The following MTA3 variants were observed in gnomAD, a reference collection of about 807,000 sequenced individuals.
The protein encoded by MTA3 is metastasis-associated protein MTA3.
Under a neutral mutation model 83.5 loss-of-function variants are expected in MTA3, and 34 were observed. That is an observed-to-expected ratio of 0.41 (90% CI 0.31 to 0.54). The LOEUF (loss-of-function observed/expected upper bound fraction) is 0.54, where lower values mean the gene tolerates loss of function less well. Ranked by LOEUF, MTA3 falls within the 20% of genes least tolerant of loss-of-function variation. The pLI, the probability that MTA3 is intolerant of heterozygous loss-of-function variation, is 0.33. For synonymous variants in MTA3, 303 were observed against 252.7 expected (o/e 1.20, Z -1.89); for missense variants, 761 against 726.4 (o/e 1.05, Z -0.55).
chr2:42,657,802 C>T (rs1689302634), intron 7 of MTA3, among the ~76,000 whole-genome samples: 1 of 149,072 alleles, frequency 6.7e-6, no homozygotes, highest in Non-Finnish European at 1.5e-5. Flanking sequence ...CACAGTGGCT[C>T]ACGCCGCCTG....
At position 42,644,217 on chromosome 2, in the gene MTA3, G is replaced by C; in HGVS notation, c.472G>C (p.Ala158Pro). The change falls in exon 6 of 17, where the codon GCA becomes CCA. Residue 158 changes from alanine (A) to proline (P), a missense_variant. Ala to Pro is a conservative substitution (Grantham distance 27, BLOSUM62 -1). Coordinates refer to ENST00000405094, the MANE Select transcript of MTA3 (RefSeq NM_001330442.2). Reference protein sequence around the residue: ...GEIRVGPRYQADIPEMLLEGE... With the variant: ...GEIRVGPRYQPDIPEMLLEGE... ...AATCAGAGTGGGACCTAGATATCAA[G>C]CAGACATTCCAGAAATGCTGTTAGA... The C allele has an allele frequency of 6.2e-7, 1 of 1,611,682 alleles. No homozygotes were observed. Among genetic ancestry groups the C allele is most frequent in the Non-Finnish European group, 8.5e-7 (1 of 1,178,972 alleles).
intron 16 of MTA3, among the ~76,000 whole-genome samples, chr2:42,739,492 T>C: frequency 6.6e-6 from 1 of 151,212 alleles, no homozygotes; most frequent in Admixed American, 6.6e-5. Context: ...CTATGAGTCA[T>C]AATCTTTTTG....
chr2:42,547,611 G>A (rs565776545), intron 2 of MTA3, among the ~76,000 whole-genome samples: 5 of 152,320 alleles, frequency 3.3e-5, no homozygotes, highest in East Asian at 1.9e-4. Flanking sequence ...GATTACAGGC[G>A]TCAACCCCCG....
At chr2:42,593,630 T>C (rs1053959018) in intron 3 of MTA3, among the ~76,000 whole-genome samples, 1 of 152,164 alleles carries the variant, frequency 6.6e-6, no homozygotes, top group African/African-American at 2.4e-5. Flanking sequence ...TTAAATGTTA[T>C]GTGGTGTGTG....
At chr2:42,683,774 A>G (rs942601774) in intron 9 of MTA3, among the ~76,000 whole-genome samples, 2 of 152,112 alleles carry the variant, frequency 1.3e-5, no homozygotes, top group Admixed American at 6.5e-5. Flanking sequence ...GGCAGACCTC[A>G]GGGGGCAGTG....
intron 4 of MTA3, among the ~76,000 whole-genome samples, chr2:42,621,777 C>T (rs1031966901): frequency 7.4e-5 from 11 of 149,574 alleles, no homozygotes; most frequent in Admixed American, 1.3e-4. Context: ...ACTTCTCAGA[C>T]GGGGCGGCTG....
At chr2:42,603,305 TG>T (rs1682815287) in intron 3 of MTA3, among the ~76,000 whole-genome samples, 1 of 152,254 alleles carries the variant, frequency 6.6e-6, no homozygotes, top group African/African-American at 2.4e-5. Context: ...AGCTGCTTGC[TG>T]GGGTGTTAAT....
At chr2:42,511,310 A>G (rs1349626019) in intron 2 of MTA3, among the ~76,000 whole-genome samples, 1 of 151,980 alleles carries the variant, frequency 6.6e-6, no homozygotes. Context: ...TGGAGATAAA[A>G]TGATTCAATT....
chr2:42,633,581 A>G (rs138924898), intron 4 of MTA3, among the ~76,000 whole-genome samples: 120 of 151,608 alleles, frequency 7.9e-4, no homozygotes, highest in Middle Eastern at 3.4e-3. Context: ...CCTGTCTCAA[A>G]AAAGAAGTCC....
At position 42,753,867 on chromosome 2, in the gene MTA3, T is replaced by C; in HGVS notation, c.*468T>C. ...TTCTGAATGGATTTTTCTTAAGAAA[T>C]GCGCCAGTGTTTATGAGGTTCAAGG... is the stretch of plus-strand genomic sequence containing the variant. On this transcript the variant is annotated 3_prime_UTR_variant, in exon 17 of 17. Coordinates refer to ENST00000405094, the MANE Select transcript of MTA3 (RefSeq NM_001330442.2). 1.0e-6 allele frequency: 1 copy of C among 989,920 alleles called. No homozygotes were observed. The highest frequency in any genetic ancestry group is 1.2e-6 in the Non-Finnish European group (1 of 832,736). 61.3% of individuals were successfully genotyped at this position (989,920 alleles called of 1,614,324 possible).
In MTA3 at chr2:42,503,214, T is replaced by A. The variant is rs575045047; in HGVS notation, c.-141+7960T>A. 7.9e-5 allele frequency among the ~76,000 whole-genome samples: 12 copies of A among 152,282 alleles called. No individual in the cohort carries two copies. In the East Asian group the frequency reaches 1.4e-3, roughly 17 times the overall value. The stretch of plus-strand genomic sequence containing the variant: ...GATGATACGCTGAACAAGGGGTGAA[T>A]TATTCATGACTCCTCTTTTTAGACC... On this transcript the variant is annotated intron_variant, in intron 2 of 17. Coordinates refer to the MTA3 transcript ENST00000405592.
At chr2:42,552,432 T>C (rs1677156909) in intron 2 of MTA3, among the ~76,000 whole-genome samples, 1 of 152,110 alleles carries the variant, frequency 6.6e-6, no homozygotes, top group Admixed American at 6.6e-5. Flanking sequence ...TTTCTCTCAC[T>C]TGGACTATTG....
chr2:42,544,496 T>A (rs1676669106), intron 2 of MTA3, among the ~76,000 whole-genome samples: 2 of 150,676 alleles, frequency 1.3e-5, no homozygotes. Context: ...ATAGTTATAG[T>A]CATGCTTTGA....
chr2:42,532,372 T>A (rs561155467), intron 2 of MTA3, among the ~76,000 whole-genome samples: 1 of 152,224 alleles, frequency 6.6e-6, no homozygotes, highest in East Asian at 1.9e-4. Flanking sequence ...TAGCCAGGTG[T>A]CATGGCGGGT....
chr2:42,670,237 C>A (rs1486383527), intron 8 of MTA3, among the ~76,000 whole-genome samples: 8 of 146,806 alleles, frequency 5.4e-5, no homozygotes, highest in African/African-American at 2.0e-4. Flanking sequence ...CCAGCCTGGG[C>A]AACAAGAGCT....
chr2:42,671,046 C>T (rs1426838041), intron 8 of MTA3, among the ~76,000 whole-genome samples: 1 of 151,856 alleles, frequency 6.6e-6, no homozygotes, highest in African/African-American at 2.4e-5. Flanking sequence ...GTTGTTGTAT[C>T]TTCATAGTCT....
intron 4 of MTA3, among the ~76,000 whole-genome samples, chr2:42,622,090 G>A (rs1348101267): frequency 7.2e-5 from 11 of 152,256 alleles, no homozygotes; most frequent in South Asian, 4.1e-4. Context: ...CCGAGATCAC[G>A]CCACTGCACT....
At chr2:42,727,482 T>A (rs1399682376) in intron 16 of MTA3, among the ~76,000 whole-genome samples, 1 of 152,140 alleles carries the variant, frequency 6.6e-6, no homozygotes, top group African/African-American at 2.4e-5. Flanking sequence ...TAACTCCAAG[T>A]GGCTGTGAGT....
intron 16 of MTA3, among the ~76,000 whole-genome samples, chr2:42,750,392 T>C (rs1669783032): frequency 8.0e-6 from 1 of 125,658 alleles, no homozygotes; most frequent in African/African-American, 3.2e-5. Flanking sequence ...ACACCTGCTG[T>C]TAGAGGGTCT....
Sources: allele counts gnomAD v4.1 joint callset (sites outside exome capture counted in the v4.1 genomes callset), GRCh38; gene constraint gnomAD v4.1.1; transcripts MANE v1.5; gene names NCBI Gene and HGNC (gene_info 2026-07-23, HGNC 2026-07-21).